Variants in KIF1C observed in about 807,000 individuals in gnomAD.
KIF1C encodes kinesin-like protein KIF1C.
A neutral mutation model predicts 126.5 loss-of-function variants in KIF1C; 61 were observed. That is an observed-to-expected ratio of 0.48 (90% CI 0.39 to 0.60). The LOEUF is 0.60. KIF1C is among the 20% of genes least tolerant of loss of function. KIF1C has a pLI of 0.00. For synonymous variants in KIF1C, 640 were observed against 580.6 expected (o/e 1.10, Z -1.47); for missense variants, 1,315 against 1,489.2 (o/e 0.88, Z 1.93).
At chr17:5,019,110 C>G (rs779285653) in intron 18 of KIF1C, 8 of 164,618 alleles carry the variant, frequency 4.9e-5, no homozygotes, top group Non-Finnish European at 1.0e-4. Flanking sequence ...CTTGTTCTCC[C>G]AGCAGCATCC....
chr17:5,017,453 A>ATG (rs1326593543), intron 18 of KIF1C, among the ~76,000 whole-genome samples: 1 of 151,196 alleles, frequency 6.6e-6, no homozygotes, highest in Non-Finnish European at 1.5e-5. Flanking sequence ...GCGCCCCCCC[A>ATG]CCACCACACC....
rs1411710570 is a variant in KIF1C, at chr17:5,000,109, TG to T, written c.-27-108del. On this transcript the variant is annotated intron_variant, in intron 2 of 22. Coordinates refer to ENST00000320785, the MANE Select transcript of KIF1C (RefSeq NM_006612.6). ...AATAAGAGCTGGGTCCTTGAGAGGC[TG>T]GGTGGCTCTGGGGGAGATGTGAAGA... 14 of 636,920 alleles carry T rather than the reference TG, an allele frequency of 2.2e-5. No homozygotes were observed. In the Admixed American group the frequency reaches 3.6e-4, roughly 16 times the overall value. The allele number at this position is 636,920 out of a possible 1,614,324, so 39.5% of individuals were successfully genotyped here.
chr17:5,010,264 G>C (rs75857458), intron 16 of KIF1C, among the ~76,000 whole-genome samples: 3 of 151,964 alleles, frequency 2.0e-5, no homozygotes, highest in Admixed American at 6.6e-5. Flanking sequence ...TTTTTTTCAC[G>C]GTGTCAGGGT....
rs1975238461 is a variant in KIF1C at position 5,028,028 on chromosome 17, A to C, written c.*3877A>C. On this transcript the variant is annotated 3_prime_UTR_variant, in exon 23 of 23. Coordinates refer to ENST00000320785, the MANE Select transcript of KIF1C (RefSeq NM_006612.6). ...TAGAATCCATGGGGCCTTCTCCTCA[A>C]ATTCAATCTTCCCAGGCATTTCATG... The C allele has an allele frequency of 6.6e-6, 1 of 152,116 alleles. No individual in the cohort carries two copies. Among genetic ancestry groups the C allele is most frequent in the South Asian group, 2.1e-4 (1 of 4,826 alleles). The allele number at this position is 152,116 out of a possible 1,614,324, so 9.4% of individuals were successfully genotyped here.
At chr17:5,004,785 G>A (rs969557438) in intron 12 of KIF1C, 70 bp from the exon 13 acceptor site, 15 of 1,607,318 alleles carry the variant, frequency 9.3e-6, no homozygotes, top group Non-Finnish European at 1.3e-5. Context: ...TGGGAGAGGG[G>A]GAAGGAGAAA....
chr17:4,997,983 G>C lies in KIF1C; in HGVS notation c.-322G>C, dbSNP rs1401261641. ...CTGCCCGGGCGGGCGCCGGCCGCTG[G>C]CGCCGCTACTGCTGCCGCCCCCGGG... On this transcript the variant is annotated 5_prime_UTR_variant, in exon 1 of 23. Transcript: ENST00000320785. 1 of 147,862 alleles carries C rather than the reference G, an allele frequency of 6.8e-6. No homozygotes were observed. Among genetic ancestry groups the C allele is most frequent in the Non-Finnish European group, 1.5e-5 (1 of 66,458 alleles). The allele number at this position is 147,862 out of a possible 1,614,324, so 9.2% of individuals were successfully genotyped here. A position where few individuals can be genotyped will look rare whatever the true frequency, so the allele number is the denominator to read the frequency against.
In KIF1C at chr17:4,997,993, T is replaced by C. The variant is rs557913448; in HGVS notation, c.-312T>C. On this transcript the variant is annotated 5_prime_UTR_variant, in exon 1 of 23. Transcript: ENST00000320785. ...GGGCGCCGGCCGCTGGCGCCGCTAC[T>C]GCTGCCGCCCCCGGGGCGCGAGTCC... 1 of 146,356 alleles carries C rather than the reference T, an allele frequency of 6.8e-6. No individual in the cohort carries two copies. The highest frequency in any genetic ancestry group is 2.5e-5 in the African/African-American group (1 of 40,310). 9.1% of individuals were successfully genotyped at this position (146,356 alleles called of 1,614,324 possible).
intron 13 of KIF1C, among the ~76,000 whole-genome samples, chr17:5,006,377 C>A (rs138932001): frequency 0.023 from 3,468 of 151,424 alleles, 130 homozygotes; most frequent in African/African-American, 0.08. Flanking sequence ...CGCTCTGTCA[C>A]CCAGGCTGGA....
At chr17:5,004,265 C>G (rs1974674125) in intron 11 of KIF1C, among the ~76,000 whole-genome samples, 192 bp downstream of exon 11, 1 of 152,166 alleles carries the variant, frequency 6.6e-6, no homozygotes, top group Non-Finnish European at 1.5e-5. Flanking sequence ...CCCGTCAAGC[C>G]AAGGGCCTCA....
chr17:5,002,970 A>G (rs1241629495), intron 8 of KIF1C, 128 bp downstream of exon 8: 7 of 671,752 alleles, frequency 1.0e-5, no homozygotes, highest in Admixed American at 2.5e-5. Flanking sequence ...CAGGACTACC[A>G]TGACCGCGCC....
rs755203770 is a variant in KIF1C at position 5,022,295 on chromosome 17, C to T, written c.2214C>T (p.Asp738=). ...AGCGACGCAGGCTGCAGGGCAAAGA[C>T]CCCCGCTGGGCCACCATGGCTGACC... ...IPQRRRLQGK[D]PRWATMADLK... is the part of the protein sequence containing the mutation. The change falls in exon 22 of 23, where the codon GAC becomes GAT. Residue 738 remains aspartate, a synonymous_variant. Coordinates refer to ENST00000320785, the MANE Select transcript of KIF1C (RefSeq NM_006612.6). The surrounding 1 kb of genome is among the most constrained non-coding windows in gnomAD (Gnocchi z 4.9). 2.5e-6 allele frequency: 4 copies of T among 1,612,506 alleles called. No individual in the cohort carries two copies. Among genetic ancestry groups the T allele is most frequent in the Non-Finnish European group, 3.4e-6 (4 of 1,179,316 alleles).
chr17:5,016,540 C>T (rs1304732174), intron 18 of KIF1C, among the ~76,000 whole-genome samples: 1 of 151,790 alleles, frequency 6.6e-6, no homozygotes, highest in African/African-American at 2.4e-5. Context: ...CGTGAGCCAC[C>T]GCACCCGGCC....
intron 1 of KIF1C, 132 bp downstream of exon 1, chr17:4,998,288 G>A (rs987294696): frequency 1.3e-5 from 2 of 151,958 alleles, no homozygotes; most frequent in Admixed American, 1.3e-4. Flanking sequence ...TTCCGCGGAG[G>A]CGCAGAGAGG....
In KIF1C at chr17:5,003,695, G is replaced by A; in HGVS notation, c.798+6G>A. ...CCCGGGGCATGCGCCTGAAGGTGAGGGGCCTTCAGAGGGTGGTTTGTTGTG... is the reference window on the plus strand; with the variant it reads ...CCCGGGGCATGCGCCTGAAGGTGAGAGGCCTTCAGAGGGTGGTTTGTTGTG... On this transcript the variant is annotated splice_donor_region_variant and intron_variant, in intron 9 of 22. Coordinates refer to ENST00000320785, the MANE Select transcript of KIF1C (RefSeq NM_006612.6). 2.5e-6 allele frequency: 4 copies of A among 1,612,104 alleles called. No homozygotes were observed. Among genetic ancestry groups the A allele is most frequent in the East Asian group, 2.2e-5 (1 of 44,850 alleles).
chr17:5,013,835 T>C (rs924741157), intron 17 of KIF1C, 103 bp downstream of exon 17: 41 of 822,688 alleles, frequency 5.0e-5, no homozygotes, highest in Non-Finnish European at 8.1e-5. Context: ...TCCCTGGAGA[T>C]ACCTCAGATC....
rs564865135 is a variant in KIF1C, at chr17:5,003,886, A to G, written c.834A>G (p.Leu278=). The G allele has an allele frequency of 5.6e-6, 9 of 1,614,016 alleles. No homozygotes were observed. In the South Asian group the frequency reaches 6.6e-5, roughly 12 times the overall value. Residue 278 remains leucine (L), a synonymous_variant, in exon 10 of 23, where the codon CTA becomes CTG. Transcript: ENST00000320785. ...GANINKSLTT[L]GKVISALADM... is the part of the protein sequence containing the mutation. The stretch of plus-strand genomic sequence containing the variant: ...ACATCAATAAGTCCCTGACTACACT[A>G]GGGAAAGTGATCTCGGCCCTTGCAG...
At chr17:5,013,479 C>T (rs748803797) in intron 16 of KIF1C, among the ~76,000 whole-genome samples, 174 bp from the exon 17 acceptor site, 8 of 151,996 alleles carry the variant, frequency 5.3e-5, no homozygotes, top group Non-Finnish European at 8.8e-5. Context: ...AGAACGTCAT[C>T]GGGGTGGAGG....
chr17:4,998,336 G>A (rs1974444513), intron 1 of KIF1C, among the ~76,000 whole-genome samples, 180 bp downstream of exon 1: 2 of 152,210 alleles, frequency 1.3e-5, no homozygotes, highest in Admixed American at 1.3e-4. Flanking sequence ...CTGGACAGGA[G>A]GACGGGTCCG....
chr17:4,999,306 G>A (rs979077297), intron 1 of KIF1C, among the ~76,000 whole-genome samples: 10 of 152,176 alleles, frequency 6.6e-5, no homozygotes, highest in African/African-American at 2.4e-4. Flanking sequence ...CTCCCTTGCC[G>A]ACACTGTGGG....
Sources: gnomAD v4.1 joint callset for allele counts (sites outside exome capture counted in the v4.1 genomes callset) on GRCh38, gnomAD v4.1.1 for gene constraint, Gnocchi (gnomAD v3.1) non-coding constraint, MANE v1.5 for transcripts, NCBI Gene and HGNC (gene_info 2026-07-23, HGNC 2026-07-21) for gene names.